MYH6: variants seen among roughly 807,000 people sequenced by gnomAD.
MYH6 encodes the protein myosin-6.
MYH6 carries 126 observed loss-of-function variants against 223.2 expected under a neutral mutation model. The ratio of observed to expected loss-of-function variants is 0.56; its 90% CI spans 0.49 to 0.65. The LOEUF (loss-of-function observed/expected upper bound fraction) is 0.65, where lower values mean the gene tolerates loss of function less well. Ranked by LOEUF, MYH6 falls within the 30% of genes least tolerant of loss-of-function variation. The pLI, the probability that MYH6 is intolerant of heterozygous loss-of-function variation, is 0.00. For synonymous variants in MYH6, 978 were observed against 1,010.2 expected, an observed-to-expected ratio of 0.97 and a Z score of 0.61; for missense variants, 2,040 against 2,536.4, an observed-to-expected ratio of 0.80 and a Z score of 4.20.
At chr14:23,401,480 C>A (rs773623259) in intron 12 of MYH6, among the ~76,000 whole-genome samples, 2 of 152,262 alleles carry the variant, frequency 1.3e-5, no homozygotes, top group Non-Finnish European at 2.9e-5. Context: ...GAGCACAGCC[C>A]CCTTATCCGG....
intron 9 of MYH6, 30 bp downstream of exon 9, chr14:23,403,685 G>C: frequency 6.3e-7 from 1 of 1,597,952 alleles, no homozygotes; most frequent in Non-Finnish European, 8.6e-7. Context: ...GGGGGACCTA[G>C]AGGGTGGCAG....
At chr14:23,408,189 G>C (rs1369129013) in intron 1 of MYH6, 64 bp downstream of exon 1, 1 of 966,792 alleles carries the variant, frequency 1.0e-6, no homozygotes, top group African/African-American at 1.8e-5. Flanking sequence ...TGGTGAAGGA[G>C]GTCCCTCACG....
At position 23,403,419 on chromosome 14, in the gene MYH6, A is replaced by G. The variant is rs2138616809; in HGVS notation, c.827T>C (p.Phe276Ser). 6.2e-7 allele frequency: 1 copy of G among 1,614,050 alleles called. No individual in the cohort carries two copies. The highest frequency in any genetic ancestry group is 8.5e-7 in the Non-Finnish European group (1 of 1,179,982). Residue 276 changes from phenylalanine (F) to serine (S), a missense_variant, in exon 10 of 39, where the codon TTC (phenylalanine) becomes TCC (serine). Transcript: ENST00000405093. ...TYLLEKSRVIFQLKAERNYHI... is the reference protein window; with the variant it reads ...TYLLEKSRVISQLKAERNYHI... ...GTAGTTTCTCTCAGCTTTCAGCTGG[A>G]AGATCACCCGGGACTTCTCCAGCAG... is the stretch of plus-strand genomic sequence containing the variant.
intron 31 of MYH6, 48 bp from the exon 32 acceptor site, chr14:23,387,701 C>G (rs779726347): frequency 1.2e-6 from 2 of 1,614,132 alleles, no homozygotes; most frequent in East Asian, 4.5e-5. Flanking sequence ...TCCCCCTGCC[C>G]CTGCATGGCC....
At chr14:23,382,606 C>CTA (rs760423571) in intron 37 of MYH6, 44 bp from the exon 38 acceptor site, 11 of 1,614,074 alleles carry the variant, frequency 6.8e-6, no homozygotes, top group Non-Finnish European at 9.3e-6. Context: ...TGGAGATGGG[C>CTA]TATGGGATTC....
chr14:23,391,100 A>AT (rs1414198666), intron 25 of MYH6, among the ~76,000 whole-genome samples: 2 of 151,932 alleles, frequency 1.3e-5, no homozygotes, highest in Admixed American at 6.6e-5. Flanking sequence ...CCCTTACCTC[A>AT]TTTTTTGGGC....
Position 23,405,907 on chromosome 14 carries a change from A to C in MYH6, c.202-137T>G. On this transcript the variant is annotated intron_variant, in intron 3 of 38. Transcript: ENST00000405093. The surrounding 1 kb of genome is among the most constrained non-coding windows in gnomAD (Gnocchi z 4.7). ...TGCTCTGACCAGTGCCCCGGCCCCT[A>C]CCCCGATGTCCCCTGGGACACTTTC... The C allele has an allele frequency of 9.7e-7, 1 of 1,033,364 alleles. No homozygotes were observed. The allele number at this position is 1,033,364 out of a possible 1,614,324, so 64.0% of individuals were successfully genotyped here.
At position 23,405,297 on chromosome 14, in the gene MYH6, C is replaced by T. The variant is rs200377640; in HGVS notation, c.428G>A (p.Arg143Gln). Residue 143 changes from arginine (R) to glutamine (Q), a missense_variant, in exon 5 of 39, where the codon CGG becomes CAG. Physicochemically the swap from Arg to Gln is conservative, Grantham distance 43. Around this residue, in one of 4 missense-constraint regions of MYH6, gnomAD observed 184 missense variants for 232.4 expected, o/e 0.79. Coordinates refer to ENST00000405093, the MANE Select transcript of MYH6 (RefSeq NM_002471.4). The surrounding 1 kb of genome is among the most constrained non-coding windows in gnomAD (Gnocchi z 4.7). ...VYNAEVVAAY[R>Q]GKKRSEAPPH... ...CGGGGCCTCACTCCTCTTCTTGCCC[C>T]GGTAGGCGGCCACCACCTCGGCATT... 8.7e-6 allele frequency: 14 copies of T among 1,614,148 alleles called. No individual in the cohort carries two copies. In the East Asian group the frequency reaches 8.9e-5, roughly 10 times the overall value.
At chr14:23,385,144 A>G in intron 34 of MYH6, 103 bp from the exon 35 acceptor site, 2 of 1,299,138 alleles carry the variant, frequency 1.5e-6, no homozygotes, top group Non-Finnish European at 2.1e-6. Flanking sequence ...TTTTTTTTTA[A>G]AACAACAAGC....
At chr14:23,388,753 C>T in intron 29 of MYH6, 106 bp downstream of exon 29, 1 of 1,522,436 alleles carries the variant, frequency 6.6e-7, no homozygotes, top group South Asian at 1.1e-5. Context: ...CCGAGTTCCT[C>T]CTGTCTCTTC....
Position 23,389,438 on chromosome 14 carries a change from G to A in MYH6, c.3933C>T (p.Thr1311=). 2 of 1,614,104 alleles carry A rather than the reference G, an allele frequency of 1.2e-6. No individual in the cohort carries two copies. The highest frequency in any genetic ancestry group is 1.7e-6 in the Non-Finnish European group (2 of 1,180,028). ...GCCTTTTGAGGTCCTCCATTTGCTG[G>A]GTATAAGAGAGCTTCCCCCGGGTCA... The part of the protein sequence containing the change: ...SQLTRGKLSY[T]QQMEDLKRQL... Residue 1311 remains threonine (T), a synonymous_variant, in exon 28 of 39, where the codon ACC becomes ACT. Transcript: ENST00000405093.
chr14:23,403,515 T>C, intron 9 of MYH6, 69 bp from the exon 10 acceptor site: 1 of 1,384,058 alleles, frequency 7.2e-7, no homozygotes, highest in Non-Finnish European at 1.0e-6. Context: ...AAGGTGGCCA[T>C]GGGGGCAGAG....
chr14:23,402,876 G>T, intron 10 of MYH6, 76 bp from the exon 11 acceptor site: 1 of 960,600 alleles, frequency 1.0e-6, no homozygotes, highest in South Asian at 1.3e-5. Flanking sequence ...AGTTGGGAAA[G>T]GGAGGGAGGG....
intron 1 of MYH6, 94 bp downstream of exon 1, chr14:23,408,159 A>G (rs1194392576): frequency 2.2e-6 from 2 of 891,868 alleles, no homozygotes; most frequent in South Asian, 5.2e-5. Context: ...TAGGCCTCCA[A>G]CTGACCTGCA....
Position 23,405,529 on chromosome 14 carries a change from CT to C in MYH6, c.345+97del. ...GGAGGGGGGAAGGGGACTTGGGTCC[CT>C]TGGGAGTCTCTCCCCCTCTTCTTGG... On this transcript the variant is annotated intron_variant, in intron 4 of 38. Transcript: ENST00000405093. This position sits in a 1 kb window ranked among gnomAD's most constrained non-coding sequence, Gnocchi z 4.7. The C allele has an allele frequency of 6.2e-7, 1 of 1,600,466 alleles. No individual in the cohort carries two copies. The highest frequency in any genetic ancestry group is 8.5e-7 in the Non-Finnish European group (1 of 1,171,896).
rs756641650 is a variant in MYH6 at position 23,384,906 on chromosome 14, G to C, written c.5289+10C>G. 1.2e-6 allele frequency: 2 copies of C among 1,613,712 alleles called. No homozygotes were observed. Among genetic ancestry groups the C allele is most frequent in the African/African-American group, 2.7e-5 (2 of 74,926 alleles). On this transcript the variant is annotated intron_variant, in intron 35 of 38. Transcript: ENST00000405093. ...TCTTTAGGGGAGGCGGAAGGTGGGC[G>C]GTCACTTACATCCGTGATGGCCTTC... is the stretch of plus-strand genomic sequence containing the variant.
intron 29 of MYH6, 36 bp from the exon 30 acceptor site, chr14:23,388,374 C>T: frequency 6.2e-7 from 1 of 1,610,156 alleles, no homozygotes; most frequent in Non-Finnish European, 8.5e-7. Context: ...GTGTGTGACT[C>T]TACTGGGCAA....
At chr14:23,390,485 C>G (rs1006929747) in intron 25 of MYH6, 39 bp from the exon 26 acceptor site, 2 of 1,604,886 alleles carry the variant, frequency 1.2e-6, no homozygotes, top group African/African-American at 2.7e-5. Flanking sequence ...ACCGCCTGGA[C>G]CCCTCCACTG....
At position 23,384,488 on chromosome 14, in the gene MYH6, T is replaced by C. The variant is rs373629059; in HGVS notation, c.5519A>G (p.Lys1840Arg). 175 of 1,612,794 alleles carry C rather than the reference T, an allele frequency of 1.1e-4. No homozygotes were observed. The highest frequency in any genetic ancestry group is 3.3e-4 in the Admixed American group (20 of 60,010). Residue 1840 changes from lysine (K) to arginine (R), a missense_variant, in exon 36 of 39, where the codon AAG becomes AGG. Lys to Arg is a conservative substitution (Grantham distance 26, BLOSUM62 2). This residue lies in a region of MYH6 where 1,203 missense variants were observed against 1,400.2 expected (regional missense o/e 0.86). Coordinates refer to ENST00000405093, the MANE Select transcript of MYH6 (RefSeq NM_002471.4). ...AEQKRNAESV[K>R]GMRKSERRIK... ...GCGCCGCTCGCTCTTCCTCATGCCC[T>C]TCACCGACTCTGCGTTGCGCTTCTG...
Sources: gnomAD v4.1 joint callset for allele counts (sites outside exome capture counted in the v4.1 genomes callset) on GRCh38, gnomAD v4.1.1 for gene constraint, gnomAD v4.1.1 regional missense constraint, Gnocchi (gnomAD v3.1) non-coding constraint, MANE v1.5 for transcripts, NCBI Gene and HGNC (gene_info 2026-07-23, HGNC 2026-07-21) for gene names.